TMEM266: variants seen among roughly 807,000 people sequenced by gnomAD.
TMEM266 encodes the protein Hv1 related protein 1.
Under a neutral mutation model 50.5 loss-of-function variants are expected in TMEM266, and 33 were observed. That is an observed-to-expected ratio of 0.65 (90% confidence interval 0.50 to 0.87). The LOEUF is 0.87. TMEM266 is among the 40% of genes least tolerant of loss of function. The pLI is 0.00. For synonymous variants in TMEM266, 310 were observed against 292.3 expected, an observed-to-expected ratio of 1.06 and a Z score of -0.62; for missense variants, 655 against 695.1, an observed-to-expected ratio of 0.94 and a Z score of 0.65.
In TMEM266 at chr15:76,203,746, G is replaced by C; in HGVS notation, c.1027G>C (p.Gly343Arg). 1 of 1,611,786 alleles carries C rather than the reference G, an allele frequency of 6.2e-7. No individual in the cohort carries two copies. Among genetic ancestry groups the C allele is most frequent in the Non-Finnish European group, 8.5e-7 (1 of 1,178,218 alleles). The stretch of plus-strand genomic sequence containing the variant: ...GATCCCCTCCTACCTTGCAGACAGC[G>C]GTGTCCCAGAGCCAGCTGTGTGTAT... Residue 343 changes from glycine to arginine, a missense_variant, in exon 11 of 11, where the codon GGT becomes CGT. Coordinates refer to ENST00000388942, the MANE Select transcript of TMEM266 (RefSeq NM_152335.3).
At chr15:76,080,223 C>T (rs1253060265) in intron 1 of TMEM266, among the ~76,000 whole-genome samples, 1 of 130,346 alleles carries the variant, frequency 7.7e-6, no homozygotes, top group Non-Finnish European at 1.7e-5. Context: ...AAAAATTAGC[C>T]AGGCATGGTG....
At chr15:76,162,070 C>T (rs762651697) in intron 5 of TMEM266, among the ~76,000 whole-genome samples, 4 of 152,198 alleles carry the variant, frequency 2.6e-5, no homozygotes, top group Non-Finnish European at 4.4e-5. Context: ...GCACAGGAAT[C>T]GCAGCCTCAG....
At chr15:76,186,014 C>T (rs2142076422) in intron 8 of TMEM266, among the ~76,000 whole-genome samples, 1 of 152,308 alleles carries the variant, frequency 6.6e-6, no homozygotes, top group East Asian at 1.9e-4. Flanking sequence ...CCTGCTTTTC[C>T]CTCTGGTGAC....
chr15:76,175,914 A>T (rs2038269553), intron 8 of TMEM266: 1 of 410,538 alleles, frequency 2.4e-6, no homozygotes, highest in South Asian at 2.8e-5. Flanking sequence ...TTTCCACTGT[A>T]GCACGGTGAC....
rs962024327 is a variant in TMEM266 at position 76,197,516 on chromosome 15, C to G, written c.959-4686C>G. Among the ~76,000 whole-genome samples the G allele has an allele frequency of 1.1e-4, 17 of 152,222 alleles. 1 individual carries two copies. The highest frequency in any genetic ancestry group is 3.2e-3 in the Middle Eastern group (1 of 316). ...CTAGAAATTATGTAGCTGGTCCTGT[C>G]TCAGTCTTAGTGTTTTCAAAATGAA... is the stretch of plus-strand genomic sequence containing the variant. On this transcript the variant is annotated intron_variant, in intron 9 of 10. Coordinates refer to ENST00000388942, the MANE Select transcript of TMEM266 (RefSeq NM_152335.3).
chr15:76,181,919 T>G (rs2469560), intron 8 of TMEM266, among the ~76,000 whole-genome samples: 117,446 of 152,098 alleles, frequency 0.77, 45,684 homozygotes, highest in East Asian at 0.99. Context: ...TGGTACAAAA[T>G]AGTATGATCT....
intron 5 of TMEM266, among the ~76,000 whole-genome samples, chr15:76,167,370 T>TG (rs896922346): frequency 6.7e-6 from 1 of 148,274 alleles, no homozygotes; most frequent in African/African-American, 2.5e-5. Flanking sequence ...CTCGGGAGGC[T>TG]GAGGCAGGAG....
At chr15:76,151,421 G>C (rs1490286174) in intron 3 of TMEM266, among the ~76,000 whole-genome samples, 2 of 152,074 alleles carry the variant, frequency 1.3e-5, no homozygotes, top group Non-Finnish European at 2.9e-5. Flanking sequence ...TCAACCAAAA[G>C]CCTGCGGCTT....
chr15:76,191,053 C>G (rs540734134), intron 8 of TMEM266, among the ~76,000 whole-genome samples: 1 of 152,328 alleles, frequency 6.6e-6, no homozygotes, highest in South Asian at 2.1e-4. Context: ...AGCCATCTCA[C>G]CCACAAACCC....
intron 1 of TMEM266, among the ~76,000 whole-genome samples, chr15:76,129,895 G>T (rs2037480091): frequency 6.6e-6 from 1 of 151,942 alleles, no homozygotes; most frequent in Non-Finnish European, 1.5e-5. Context: ...GACAAATGGG[G>T]GAAATGTAAA....
At chr15:76,076,569 A>C (rs531191484) in intron 1 of TMEM266, among the ~76,000 whole-genome samples, 1 of 152,178 alleles carries the variant, frequency 6.6e-6, no homozygotes, top group South Asian at 2.1e-4. Context: ...CCCACTCAGG[A>C]AGAGTTTACC....
intron 1 of TMEM266, among the ~76,000 whole-genome samples, chr15:76,114,803 CA>C (rs753106968): frequency 6.6e-6 from 1 of 152,154 alleles, no homozygotes; most frequent in African/African-American, 2.4e-5. Flanking sequence ...CATCACCCCA[CA>C]AGGAAACCCC....
intron 1 of TMEM266, among the ~76,000 whole-genome samples, chr15:76,127,121 C>T (rs1426593025): frequency 1.3e-5 from 2 of 151,824 alleles, no homozygotes; most frequent in Non-Finnish European, 2.9e-5. Flanking sequence ...TACTACCAAA[C>T]AAAAAAGGTA....
chr15:76,141,337 G>A (rs1013772323), intron 3 of TMEM266, among the ~76,000 whole-genome samples: 14 of 151,208 alleles, frequency 9.3e-5, no homozygotes, highest in African/African-American at 2.7e-4. Flanking sequence ...CCAGGTTTAA[G>A]CGATCCTCCC....
At position 76,105,868 on chromosome 15, in the gene TMEM266, T is replaced by G. The variant is rs138349918; in HGVS notation, c.-96-28300T>G. Among the ~76,000 whole-genome samples, 11 of 152,322 alleles carry G rather than the reference T, an allele frequency of 7.2e-5. 1 individual carries two copies. Among genetic ancestry groups the G allele is most frequent in the African/African-American group, 2.4e-4 (10 of 41,566 alleles). ...ACATTATAGACAGTGTTCCCTCCTA[T>G]ATACAGGTTCCAGCAGATTTGTCAA... On this transcript the variant is annotated intron_variant, in intron 1 of 10. Coordinates refer to ENST00000388942, the MANE Select transcript of TMEM266 (RefSeq NM_152335.3).
chr15:76,167,609 C>T (rs1158614287), intron 5 of TMEM266, among the ~76,000 whole-genome samples: 2 of 152,024 alleles, frequency 1.3e-5, no homozygotes, highest in Non-Finnish European at 2.9e-5. Context: ...TCAAGCAATT[C>T]TCCTGCCTCA....
At chr15:76,165,112 C>T (rs955285026) in intron 5 of TMEM266, among the ~76,000 whole-genome samples, 4 of 152,218 alleles carry the variant, frequency 2.6e-5, no homozygotes, top group Non-Finnish European at 5.9e-5. Flanking sequence ...CCCTTTCTGC[C>T]ATTTGGCTGA....
At chr15:76,072,214 G>A (rs558493772) in intron 1 of TMEM266, among the ~76,000 whole-genome samples, 11 of 151,898 alleles carry the variant, frequency 7.2e-5, no homozygotes, top group East Asian at 1.9e-4. Context: ...CGAGGTAGGC[G>A]GATCACCTGA....
intron 1 of TMEM266, among the ~76,000 whole-genome samples, chr15:76,093,235 C>T (rs1198935175): frequency 6.6e-6 from 1 of 151,344 alleles, no homozygotes; most frequent in African/African-American, 2.4e-5. Flanking sequence ...TTTGCTGCAC[C>T]CATCAACCTG....
Sources: gnomAD v4.1 joint callset for allele counts (sites outside exome capture counted in the v4.1 genomes callset) on GRCh38, gnomAD v4.1.1 for gene constraint, MANE v1.5 for transcripts, NCBI Gene and HGNC (gene_info 2026-07-23, HGNC 2026-07-21) for gene names.